The following NTNG1 variants were observed in gnomAD, a reference collection of about 807,000 sequenced individuals.
The protein encoded by NTNG1 is netrin-G1.
NTNG1 carries 16 observed loss-of-function variants against 54.0 expected under a neutral mutation model. The observed-to-expected ratio is 0.30, with a 90% CI of 0.20 to 0.45. The LOEUF (loss-of-function observed/expected upper bound fraction) is 0.45, where lower values mean the gene tolerates loss of function less well. Among genes scored for constraint, NTNG1 ranks in the 20% least tolerant of loss-of-function variants. The pLI, the probability that NTNG1 is intolerant of heterozygous loss-of-function variation, is 1.00. For missense variants in NTNG1, 530 were observed against 678.7 expected (o/e 0.78, Z 2.43); for synonymous variants, 255 against 263.1 (o/e 0.97, Z 0.30).
At chr1:107,444,367 A>G (rs1676179033) in intron 7 of NTNG1, among the ~76,000 whole-genome samples, 1 of 152,168 alleles carries the variant, frequency 6.6e-6, no homozygotes, top group East Asian at 1.9e-4. Flanking sequence ...CAAAAGGGAT[A>G]CACTGATGGA....
In NTNG1 at chr1:107,381,923, A is replaced by G. The variant is rs142198564; in HGVS notation, c.888-13231A>G. On this transcript the variant is annotated intron_variant, in intron 3 of 7. Coordinates refer to ENST00000370068, the MANE Select transcript of NTNG1 (RefSeq NM_001113226.3). ...CAAGTTTACCTTCTATCAGGTTGGC[A>G]GTATTGTAATTAAAAGGACTTGTCT... Among the ~76,000 whole-genome samples the G allele has an allele frequency of 4.8e-3, 725 of 152,290 alleles. 1 individual carries two copies. Among genetic ancestry groups the G allele is most frequent in the East Asian group, 0.019 (98 of 5,172 alleles).
At chr1:107,183,550 T>A (rs1657226547) in intron 2 of NTNG1, among the ~76,000 whole-genome samples, 1 of 152,112 alleles carries the variant, frequency 6.6e-6, no homozygotes, top group Non-Finnish European at 1.5e-5. Flanking sequence ...GTATTAAAAA[T>A]GAGGGGCAGC....
intron 3 of NTNG1, among the ~76,000 whole-genome samples, chr1:107,371,573 AG>A (rs571907488): frequency 1.3e-5 from 2 of 152,078 alleles, no homozygotes; most frequent in Non-Finnish European, 2.9e-5. Flanking sequence ...CAACTCAAAA[AG>A]CCTCATATTT....
chr1:107,301,650 T>C (rs1438133869), intron 2 of NTNG1, among the ~76,000 whole-genome samples: 1 of 152,200 alleles, frequency 6.6e-6, no homozygotes, highest in African/African-American at 2.4e-5. Context: ...TTCCAGTTTT[T>C]TCCTCAACTC....
intron 2 of NTNG1, among the ~76,000 whole-genome samples, chr1:107,265,859 C>T (rs778122890): frequency 6.6e-5 from 10 of 152,100 alleles, no homozygotes; most frequent in Non-Finnish European, 1.0e-4. Context: ...TCTGGTTGGC[C>T]TCCTACCAGG....
intron 2 of NTNG1, among the ~76,000 whole-genome samples, chr1:107,229,597 G>A (rs1197347904): frequency 3.3e-5 from 5 of 151,928 alleles, no homozygotes; most frequent in African/African-American, 1.2e-4. Flanking sequence ...AATGCTTAGA[G>A]ATGGAGGTAC....
chr1:107,194,054 C>T (rs974628798), intron 2 of NTNG1, among the ~76,000 whole-genome samples: 5 of 151,942 alleles, frequency 3.3e-5, no homozygotes, highest in Non-Finnish European at 7.4e-5. Context: ...TACCAAACTG[C>T]TTGAAATCAT....
At chr1:107,219,022 CT>C (rs1318614306) in intron 2 of NTNG1, among the ~76,000 whole-genome samples, 1 of 151,996 alleles carries the variant, frequency 6.6e-6, no homozygotes, top group Non-Finnish European at 1.5e-5. Flanking sequence ...GACTTTTAGA[CT>C]TATCTTCTTC....
chr1:107,436,767 T>C lies in NTNG1; in HGVS notation c.1358T>C (p.Leu453Pro). The change falls in exon 7 of 8, where the codon CTG becomes CCG. Residue 453 changes from leucine to proline, a missense_variant. Leu to Pro is a moderately conservative substitution (Grantham distance 98). This residue lies in a region of NTNG1 where 212 missense variants were observed against 213.6 expected (regional missense o/e 0.99). Coordinates refer to ENST00000370068, the MANE Select transcript of NTNG1 (RefSeq NM_001113226.3). ...GTTGPKCDEC[L>P]PGNSWHYGCQ... ...ACAGGGCCTAAGTGTGATGAGTGTC[T>C]GCCGGGAAATTCCTGGCACTACGGC... The C allele has an allele frequency of 6.2e-7, 1 of 1,613,528 alleles. No individual in the cohort carries two copies. Among genetic ancestry groups the C allele is most frequent in the Non-Finnish European group, 8.5e-7 (1 of 1,179,634 alleles).
At chr1:107,449,313 C>A (rs1238135078) in intron 7 of NTNG1, among the ~76,000 whole-genome samples, 3 of 151,956 alleles carry the variant, frequency 2.0e-5, no homozygotes, top group African/African-American at 7.2e-5. Flanking sequence ...TGGCCCCACT[C>A]CAACCTTCTT....
In NTNG1 at chr1:107,443,496, A is replaced by T. The variant is rs564411603; in HGVS notation, c.1390+6697A>T. ...TGATGCTTCCAATTGCCTCTGTGAG[A>T]TGAAGATTATACCTCCCTGGACAAA... is the stretch of plus-strand genomic sequence containing the variant. On this transcript the variant is annotated intron_variant, in intron 7 of 7. Coordinates refer to ENST00000370068, the MANE Select transcript of NTNG1 (RefSeq NM_001113226.3). Among the ~76,000 whole-genome samples, 7 of 152,196 alleles carry T rather than the reference A, an allele frequency of 4.6e-5. No individual in the cohort carries two copies. In the East Asian group the frequency reaches 1.2e-3, roughly 25 times the overall value.
intron 2 of NTNG1, among the ~76,000 whole-genome samples, chr1:107,219,114 AT>A (rs199656576): frequency 9.0e-5 from 13 of 143,784 alleles, no homozygotes; most frequent in South Asian, 2.3e-4. Context: ...TTGTTTTTAA[AT>A]TTTTTTTTTT....
intron 4 of NTNG1, among the ~76,000 whole-genome samples, chr1:107,398,836 A>G (rs943269768): frequency 1.3e-5 from 2 of 152,112 alleles, no homozygotes; most frequent in Non-Finnish European, 2.9e-5. Flanking sequence ...TCTGTCTTCC[A>G]AGTAATAGCA....
At chr1:107,318,110 C>A (rs926791405) in intron 2 of NTNG1, among the ~76,000 whole-genome samples, 1 of 152,108 alleles carries the variant, frequency 6.6e-6, no homozygotes, top group Admixed American at 6.6e-5. Context: ...TCAGTTATCC[C>A]ACAGTCTGAA....
At chr1:107,288,262 A>C (rs896925889) in intron 2 of NTNG1, among the ~76,000 whole-genome samples, 5 of 152,202 alleles carry the variant, frequency 3.3e-5, no homozygotes, top group African/African-American at 1.2e-4. Flanking sequence ...ATGTTAACTC[A>C]AACTTGGAAA....
At chr1:107,364,825 A>G (rs1670499671) in intron 3 of NTNG1, among the ~76,000 whole-genome samples, 1 of 152,222 alleles carries the variant, frequency 6.6e-6, no homozygotes, top group Non-Finnish European at 1.5e-5. Context: ...GTAGTAAAAT[A>G]CAGAACCAAG....
chr1:107,165,812 G>T (rs1371912320), intron 2 of NTNG1, among the ~76,000 whole-genome samples: 2 of 152,074 alleles, frequency 1.3e-5, no homozygotes. Flanking sequence ...TTATGTCAAA[G>T]TAACCTCATG....
intron 4 of NTNG1, among the ~76,000 whole-genome samples, chr1:107,396,348 G>GT (rs1305307794): frequency 6.6e-6 from 1 of 152,054 alleles, no homozygotes; most frequent in African/African-American, 2.4e-5. Flanking sequence ...CAAGTTAAAC[G>GT]TAAGAGTAAT....
intron 2 of NTNG1, among the ~76,000 whole-genome samples, chr1:107,151,375 T>G (rs189859145): frequency 0.027 from 4,079 of 152,228 alleles, 189 homozygotes; most frequent in African/African-American, 0.092. Context: ...CAGGGTGTAA[T>G]GGGGATTCAT....
Sources: allele counts gnomAD v4.1 joint callset (sites outside exome capture counted in the v4.1 genomes callset), GRCh38; gene constraint gnomAD v4.1.1; regional missense constraint gnomAD v4.1.1; transcripts MANE v1.5; gene names NCBI Gene and HGNC (gene_info 2026-07-23, HGNC 2026-07-21).